KIF12: variants seen among roughly 807,000 people sequenced by gnomAD.
KIF12 encodes kinesin-like protein KIF12.
In KIF12, 80 loss-of-function variants were observed where a neutral mutation model predicts 87.9. The observed-to-expected ratio is 0.91, with a 90% CI of 0.76 to 1.10. The LOEUF is 1.10. Ranked by LOEUF, KIF12 falls within the 50% of genes least tolerant of loss-of-function variation. The pLI is 0.00. For synonymous variants in KIF12, 353 were observed against 348.5 expected, an observed-to-expected ratio of 1.01 and a Z score of -0.14; for missense variants, 819 against 865.3, an observed-to-expected ratio of 0.95 and a Z score of 0.67.
In KIF12 at chr9:114,091,916, T is replaced by G; in HGVS notation, c.1901A>C (p.Gln634Pro). ...IGSSLRRGRSQPPCSEGARSP... is the reference protein window; with the variant it reads ...IGSSLRRGRSPPPCSEGARSP... ...CCGTGCGCCCTCACTGCAGGGTGGC[T>G]GGCTGCGGCCACGTCGCAGGGAGCT... The change falls in exon 19 of 19, where the codon CAG becomes CCG. Residue 634 changes from glutamine (Q) to proline (P), a missense_variant. Coordinates refer to ENST00000640217, the MANE Select transcript of KIF12 (RefSeq NM_001388308.1). 6.2e-7 allele frequency: 1 copy of G among 1,612,966 alleles called. No homozygotes were observed. The highest frequency in any genetic ancestry group is 1.1e-5 in the South Asian group (1 of 91,042).
Position 114,092,544 on chromosome 9 carries a change from C to T in KIF12, c.1695G>A (p.Glu565=). ...CSPGSAKCPR[E]RSHSDWTQTR... ...TCAGTGCCCCAGGAGAGACCCACCT[C>T]TCTCTTGGGCACTTGGCAGAGCCAG... Residue 565 remains glutamate, a splice_region_variant and synonymous_variant, in exon 17 of 19, where the codon GAG becomes GAA. Coordinates refer to ENST00000640217, the MANE Select transcript of KIF12 (RefSeq NM_001388308.1). 6.2e-7 allele frequency: 1 copy of T among 1,612,564 alleles called. No homozygotes were observed. Among genetic ancestry groups the T allele is most frequent in the East Asian group, 2.2e-5 (1 of 44,856 alleles).
At chr9:114,098,503 G>GGGCGGGGC in intron 3 of KIF12, 74 bp from the exon 4 acceptor site, 1 of 700,272 alleles carries the variant, frequency 1.4e-6, no homozygotes. Context: ...GGGCACCGTG[G>GGGCGGGGC]AGGAGGGCGG....
At chr9:114,093,602 C>T (rs1847084397) in intron 14 of KIF12, 105 bp from the exon 15 acceptor site, 5 of 967,258 alleles carry the variant, frequency 5.2e-6, no homozygotes, top group Non-Finnish European at 8.0e-6. Flanking sequence ...TACCAGGTAC[C>T]GGGCCCCATT....
chr9:114,095,960 T>C (rs918843185), intron 9 of KIF12, 91 bp downstream of exon 9: 9 of 1,404,990 alleles, frequency 6.4e-6, no homozygotes, highest in Non-Finnish European at 8.7e-6. Flanking sequence ...TTCTATTTAC[T>C]ACAACTCCTC....
intron 7 of KIF12, 28 bp downstream of exon 7, chr9:114,097,261 GGCACCCCTACCC>G: frequency 6.3e-7 from 1 of 1,594,514 alleles, no homozygotes; most frequent in South Asian, 1.1e-5. Flanking sequence ...CTGAGGAATG[GGCACCCCTACCC>G]GCAAAACTCC....
At chr9:114,095,446 C>T (rs188419577) in intron 9 of KIF12, 114 bp from the exon 10 acceptor site, 132 of 1,108,654 alleles carry the variant, frequency 1.2e-4, no homozygotes, top group Non-Finnish European at 1.6e-4. Context: ...AAAAACCCAT[C>T]TTTCCACATG....
chr9:114,098,000 G>C, intron 5 of KIF12, 115 bp downstream of exon 5: 1 of 1,100,504 alleles, frequency 9.1e-7, no homozygotes. Context: ...AAACAAGCGG[G>C]TCAGGCGGCG....
Position 114,094,270 on chromosome 9 carries a change from G to A in KIF12, c.1224C>T (p.Ala408=). 2 of 1,613,866 alleles carry A rather than the reference G, an allele frequency of 1.2e-6. No homozygotes were observed. The highest frequency in any genetic ancestry group is 8.5e-7 in the Non-Finnish European group (1 of 1,179,776). ...CCACCCGGGCTCCACTGAGCCCTGA[G>A]GCTGCAGGGAAGCAGGAGGTGGTGG... The part of the protein sequence containing the change: ...QFQLDQMDCK[A]SGLSGARVAW... Residue 408 remains alanine, a splice_region_variant and synonymous_variant, in exon 13 of 19, where the codon GCC becomes GCT. Coordinates refer to ENST00000640217, the MANE Select transcript of KIF12 (RefSeq NM_001388308.1).
At chr9:114,092,686 C>A (rs970480112) in intron 16 of KIF12, 44 bp from the exon 17 acceptor site, 6 of 1,542,150 alleles carry the variant, frequency 3.9e-6, no homozygotes, top group South Asian at 2.4e-5. Flanking sequence ...CTCAGTCCTG[C>A]CTCTCTGTGT....
At position 114,096,493 on chromosome 9, in the gene KIF12, C is replaced by T. The variant is rs1177980985; in HGVS notation, c.647-15G>A. On this transcript the variant is annotated splice_polypyrimidine_tract_variant and intron_variant, in intron 7 of 18. Transcript: ENST00000640217. ...ACGGCTGAGACCTGGAAGGGAAAAA[C>T]ATCAGGAGCTGGACCTGGTAGGAAG... 1 of 1,594,716 alleles carries T rather than the reference C, an allele frequency of 6.3e-7. No homozygotes were observed. The highest frequency in any genetic ancestry group is 1.3e-5 in the African/African-American group (1 of 74,626).
chr9:114,097,730 C>G lies in KIF12; in HGVS notation c.387G>C (p.Val129=), dbSNP rs1478689625. The G allele has an allele frequency of 6.2e-7, 1 of 1,613,666 alleles. No individual in the cohort carries two copies. The highest frequency in any genetic ancestry group is 1.7e-5 in the Admixed American group (1 of 59,952). ...LTGPPPQGEG[V]PVPPSLAGIM... is the part of the protein sequence containing the mutation. ...TGCCAGCCAGGCTGGGGGGTACAGGCACCCCCTCCCCCTAGGGGCAAAACC... is the reference window on the plus strand; with the variant it reads ...TGCCAGCCAGGCTGGGGGGTACAGGGACCCCCTCCCCCTAGGGGCAAAACC... Residue 129 remains valine, a synonymous_variant, in exon 6 of 19, where the codon GTG becomes GTC. Coordinates refer to ENST00000640217, the MANE Select transcript of KIF12 (RefSeq NM_001388308.1).
In KIF12 at chr9:114,099,124, C is replaced by T; in HGVS notation, c.72G>A (p.Thr24=). Reference sequence around the variant, plus strand: ...CCCACCTGAGCACCACCTGGATGGGCGTTTCCGGCCCCTCTGGCCCTTGCT... The same window carrying T: ...CCCACCTGAGCACCACCTGGATGGGTGTTTCCGGCCCCTCTGGCCCTTGCT... ...SLEQGPEGPE[T]PIQVVLRVRP... is the part of the protein sequence containing the mutation. The change falls in exon 2 of 19, where the codon ACG becomes ACA. Residue 24 remains threonine, a synonymous_variant. Coordinates refer to ENST00000640217, the MANE Select transcript of KIF12 (RefSeq NM_001388308.1). 6.4e-7 allele frequency: 1 copy of T among 1,550,608 alleles called. No individual in the cohort carries two copies. Among genetic ancestry groups the T allele is most frequent in the Non-Finnish European group, 8.7e-7 (1 of 1,146,984 alleles).
chr9:114,092,919 G>T (rs1167336149), intron 16 of KIF12: 2 of 1,430,666 alleles, frequency 1.4e-6, no homozygotes. Context: ...TATAAAGCAA[G>T]GAGCTTGGGG....
chr9:114,098,541 T>G lies in KIF12; in HGVS notation c.172-112A>C, dbSNP rs538906814. On this transcript the variant is annotated intron_variant, in intron 3 of 18. Coordinates refer to ENST00000640217, the MANE Select transcript of KIF12 (RefSeq NM_001388308.1). The stretch of plus-strand genomic sequence containing the variant: ...CACGCGGGAGGAGGGCGGGGCACTC[T>G]GGAGGAGGGCGGGGCACCCTGGAGA... The G allele has an allele frequency of 2.4e-3, 1,077 of 454,374 alleles. 1 individual carries two copies. The highest frequency in any genetic ancestry group is 2.6e-3 in the Non-Finnish European group (910 of 343,398). 28.1% of individuals were successfully genotyped at this position (454,374 alleles called of 1,614,324 possible).
intron 16 of KIF12, 175 bp downstream of exon 16, chr9:114,093,054 G>T: frequency 1.7e-6 from 2 of 1,151,122 alleles, no homozygotes; most frequent in Non-Finnish European, 1.2e-6. Context: ...GAGGAGGGGG[G>T]AGGGTGAGGC....
Position 114,095,116 on chromosome 9 carries a change from C to G in KIF12, c.1026G>C (p.Val342=), listed in dbSNP as rs776065888. ...CAGGAAGGCACTGGGCTGAGGGGGA[C>G]ACGCAGGCCACCTGGGGAGTGCACT... ...GRGVTLMVAC[V]SPSAQCLPET... is the part of the protein sequence containing the mutation. The change falls in exon 11 of 19, where the codon GTG becomes GTC. Residue 342 remains valine (V), a synonymous_variant. Coordinates refer to ENST00000640217, the MANE Select transcript of KIF12 (RefSeq NM_001388308.1). The G allele has an allele frequency of 1.2e-6, 2 of 1,606,668 alleles. No individual in the cohort carries two copies. Among genetic ancestry groups the G allele is most frequent in the Admixed American group, 1.7e-5 (1 of 59,620 alleles).
chr9:114,091,892 C>T lies in KIF12; in HGVS notation c.1925G>A (p.Arg642Gln), dbSNP rs371412257. 1.6e-5 allele frequency: 25 copies of T among 1,610,762 alleles called. No individual in the cohort carries two copies. The highest frequency in any genetic ancestry group is 2.7e-5 in the African/African-American group (2 of 74,888). The change falls in exon 19 of 19, where the codon CGG becomes CAG. Residue 642 changes from arginine to glutamine, a missense_variant. Coordinates refer to ENST00000640217, the MANE Select transcript of KIF12 (RefSeq NM_001388308.1). The part of the protein sequence containing the change: ...RSQPPCSEGA[R>Q]SPGQVLPPH Reference sequence around the variant, plus strand: ...GGGAGGGAGGACTTGGCCTGGGCTCCGTGCGCCCTCACTGCAGGGTGGCTG... The same window carrying T: ...GGGAGGGAGGACTTGGCCTGGGCTCTGTGCGCCCTCACTGCAGGGTGGCTG...
At chr9:114,092,161 G>A (rs759194793) in intron 18 of KIF12, 161 bp from the exon 19 acceptor site, 633 of 1,458,618 alleles carry the variant, frequency 4.3e-4, no homozygotes, top group Non-Finnish European at 5.4e-4. Flanking sequence ...ATACATCTGG[G>A]CACGCAGATG....
intron 7 of KIF12, 93 bp downstream of exon 7, chr9:114,097,208 C>A (rs1645936043): frequency 1.4e-6 from 2 of 1,471,254 alleles, no homozygotes; most frequent in Admixed American, 2.6e-5. Flanking sequence ...ATTTCTGAAG[C>A]TGCAGCTGCA....
Sources: allele counts gnomAD v4.1 joint callset, GRCh38; gene constraint gnomAD v4.1.1; transcripts MANE v1.5; gene names NCBI Gene and HGNC (gene_info 2026-07-23, HGNC 2026-07-21).